Variants in MSRA observed in about 807,000 individuals in gnomAD.
MSRA encodes mitochondrial peptide methionine sulfoxide reductase.
Under a neutral mutation model 31.3 loss-of-function variants are expected in MSRA, and 54 were observed. The ratio of observed to expected loss-of-function variants is 1.73; its 90% CI spans 1.39 to 2.17. The LOEUF (loss-of-function observed/expected upper bound fraction) is 2.17. Among genes scored for constraint, MSRA ranks in the 30% most tolerant of loss-of-function variants. The pLI, the probability that MSRA is intolerant of heterozygous loss-of-function variation, is 0.00. For synonymous variants in MSRA, 169 were observed against 116.5 expected, an observed-to-expected ratio of 1.45 and a Z score of -2.90; for missense variants, 507 against 300.9, an observed-to-expected ratio of 1.69 and a Z score of -5.07.
intron 1 of MSRA, among the ~76,000 whole-genome samples, chr8:10,204,953 A>G (rs905732049): frequency 2.6e-5 from 4 of 152,206 alleles, no homozygotes; most frequent in African/African-American, 9.7e-5. Flanking sequence ...GCATAAGTGC[A>G]AAGTGCTACT....
chr8:10,298,312 C>T (rs1800652732), intron 3 of MSRA, among the ~76,000 whole-genome samples: 1 of 152,070 alleles, frequency 6.6e-6, no homozygotes, highest in Non-Finnish European at 1.5e-5. Flanking sequence ...AAAATTCAGA[C>T]ACATGCAACA....
chr8:10,317,721 C>T (rs756406814), intron 4 of MSRA, among the ~76,000 whole-genome samples: 1 of 152,174 alleles, frequency 6.6e-6, no homozygotes, highest in South Asian at 2.1e-4. Context: ...ATCAAGACAG[C>T]CAAATAGTGT....
intron 5 of MSRA, among the ~76,000 whole-genome samples, chr8:10,321,689 C>A (rs182331344): frequency 6.6e-6 from 1 of 152,142 alleles, no homozygotes; most frequent in African/African-American, 2.4e-5. Context: ...TCTCTGTTAC[C>A]GCGTGAGAGA....
chr8:10,191,164 T>G (rs1807470861), intron 1 of MSRA, among the ~76,000 whole-genome samples: 8 of 152,196 alleles, frequency 5.3e-5, no homozygotes, highest in Admixed American at 5.2e-4. Flanking sequence ...ATGTTTAGAT[T>G]TTATTTTATT....
intron 2 of MSRA, among the ~76,000 whole-genome samples, chr8:10,211,475 G>C (rs897563341): frequency 6.6e-6 from 1 of 152,136 alleles, no homozygotes; most frequent in Non-Finnish European, 1.5e-5. Flanking sequence ...TCCTACCTGT[G>C]TGTGATGCTG....
chr8:10,406,061 A>G (rs991458784), intron 5 of MSRA, among the ~76,000 whole-genome samples: 2 of 152,218 alleles, frequency 1.3e-5, no homozygotes, highest in Non-Finnish European at 2.9e-5. Flanking sequence ...TGGGGTCAGA[A>G]CCCATTAGTG....
intron 1 of MSRA, among the ~76,000 whole-genome samples, chr8:10,062,682 C>T (rs1264229676): frequency 6.6e-6 from 1 of 152,154 alleles, no homozygotes; most frequent in Non-Finnish European, 1.5e-5. Context: ...CTGAAGGGTA[C>T]AGGAAGCATC....
Position 10,365,331 on chromosome 8 carries a change from A to G in MSRA, c.543+45342A>G, listed in dbSNP as rs79979626. On this transcript the variant is annotated intron_variant, in intron 5 of 5. Coordinates refer to ENST00000317173, the MANE Select transcript of MSRA (RefSeq NM_012331.5). ...GCATTCCTGCTGCTCTGAACTTCCA[A>G]CATACCATACCAGTTGGTTTGCCAA... Among the ~76,000 whole-genome samples the G allele has an allele frequency of 2.5e-3, 387 of 152,174 alleles. 11 individuals carry two copies. In the East Asian group the frequency reaches 0.064, roughly 25 times the overall value.
At chr8:10,408,399 AG>A (rs1807953617) in intron 5 of MSRA, among the ~76,000 whole-genome samples, 1 of 152,106 alleles carries the variant, frequency 6.6e-6, no homozygotes, top group South Asian at 2.1e-4. Flanking sequence ...AAAATTAGCC[AG>A]GCATGGTGGC....
At chr8:10,076,508 T>G (rs1346011993) in intron 1 of MSRA, among the ~76,000 whole-genome samples, 3 of 152,208 alleles carry the variant, frequency 2.0e-5, no homozygotes, top group Non-Finnish European at 4.4e-5. Context: ...TGGGAAAAGA[T>G]TCTCTCAAAA....
At chr8:10,230,564 A>G (rs1175406091) in intron 2 of MSRA, among the ~76,000 whole-genome samples, 5 of 152,246 alleles carry the variant, frequency 3.3e-5, no homozygotes, top group Non-Finnish European at 5.9e-5. Context: ...AGAGGCAACC[A>G]TTATTCCAAT....
chr8:10,129,331 C>G (rs1381818946), intron 1 of MSRA, among the ~76,000 whole-genome samples: 1 of 152,070 alleles, frequency 6.6e-6, no homozygotes, highest in Non-Finnish European at 1.5e-5. Context: ...ACCTTTGGCT[C>G]TCCTACTTGG....
intron 3 of MSRA, among the ~76,000 whole-genome samples, chr8:10,274,704 C>T (rs138931746): frequency 2.2e-4 from 33 of 152,226 alleles, no homozygotes; most frequent in African/African-American, 7.5e-4. Context: ...TACTCATCCG[C>T]CCATTTATCC....
chr8:10,192,184 C>G (rs1324534199), intron 1 of MSRA, among the ~76,000 whole-genome samples: 1 of 152,206 alleles, frequency 6.6e-6, no homozygotes, highest in Non-Finnish European at 1.5e-5. Flanking sequence ...GGAATCAAAC[C>G]CCCATCACTC....
intron 3 of MSRA, among the ~76,000 whole-genome samples, chr8:10,276,093 C>T (rs999049933): frequency 2.6e-5 from 4 of 152,162 alleles, no homozygotes; most frequent in Admixed American, 6.5e-5. Context: ...GTCACTGCAG[C>T]GGTCGTTACT....
In MSRA at chr8:10,245,118, T is replaced by C; in HGVS notation, c.226T>C (p.Trp76Arg). The change falls in exon 3 of 6, where the codon TGG (tryptophan) becomes CGG (arginine). Residue 76 changes from tryptophan (W) to arginine (R), a missense_variant. By Grantham distance (101) the Trp-to-Arg change is moderately radical. Coordinates refer to ENST00000317173, the MANE Select transcript of MSRA (RefSeq NM_012331.5). ...QMAVFGMGCF[W>R]GAERKFWVLK... ...TCTTTTTTAAGGAATGGGATGTTTC[T>C]GGGGAGCTGAAAGGAAATTCTGGGT... 2.5e-6 allele frequency: 4 copies of C among 1,613,456 alleles called. No individual in the cohort carries two copies. The highest frequency in any genetic ancestry group is 3.4e-6 in the Non-Finnish European group (4 of 1,179,776).
intron 1 of MSRA, among the ~76,000 whole-genome samples, chr8:10,100,835 G>GAA (rs1247499934): frequency 6.6e-6 from 1 of 152,142 alleles, no homozygotes; most frequent in Admixed American, 6.5e-5. Context: ...TTACAGTTAA[G>GAA]AATCTCTCAG....
At chr8:10,063,716 G>A (rs1194440051) in intron 1 of MSRA, among the ~76,000 whole-genome samples, 3 of 152,210 alleles carry the variant, frequency 2.0e-5, no homozygotes, top group South Asian at 2.1e-4. Flanking sequence ...GGCGCTGTCC[G>A]TGAACCAGAA....
chr8:10,068,639 G>A (rs1480207620), intron 1 of MSRA, among the ~76,000 whole-genome samples: 2 of 152,192 alleles, frequency 1.3e-5, no homozygotes, highest in African/African-American at 4.8e-5. Context: ...CTATTTCTGG[G>A]CTCCTTATTA....
Sources: gnomAD v4.1 joint callset for allele counts (sites outside exome capture counted in the v4.1 genomes callset) on GRCh38, gnomAD v4.1.1 for gene constraint, MANE v1.5 for transcripts, NCBI Gene and HGNC (gene_info 2026-07-23, HGNC 2026-07-21) for gene names.